Variants in SEPTIN4 observed in about 807,000 individuals in gnomAD.
SEPTIN4 encodes the protein septin-4.
SEPTIN4 carries 52 observed loss-of-function variants against 107.1 expected under a neutral mutation model. The observed-to-expected ratio is 0.49, with a 90% confidence interval of 0.39 to 0.61. The LOEUF (loss-of-function observed/expected upper bound fraction) is 0.61, where lower values mean the gene tolerates loss of function less well. Ranked by LOEUF, SEPTIN4 falls within the 20% of genes least tolerant of loss-of-function variation. SEPTIN4 has a pLI of 0.00. For missense variants in SEPTIN4, 1,048 were observed against 1,243.5 expected, an observed-to-expected ratio of 0.84 and a Z score of 2.36; for synonymous variants, 417 against 467.0, an observed-to-expected ratio of 0.89 and a Z score of 1.38.
At chr17:58,539,273 GACTTCCTAAACTAA>G in intron 3 of SEPTIN4, 2 of 1,088,406 alleles carry the variant, frequency 1.8e-6, no homozygotes, top group South Asian at 3.1e-5. Flanking sequence ...CAAGGCTTTT[GACTTCCTAAACTAA>G]AACAAGATGC....
Position 58,525,075 on chromosome 17 carries a change from T to C in SEPTIN4, c.2216+3A>G. ...AGCTGGGATTGTGCTTACTCAGACATACCACTCTGTGTTGTTGACTGCATC... is the reference window on the plus strand; with the variant it reads ...AGCTGGGATTGTGCTTACTCAGACACACCACTCTGTGTTGTTGACTGCATC... On this transcript the variant is annotated splice_donor_region_variant and intron_variant, in intron 7 of 13. Transcript: ENST00000672673. The C allele has an allele frequency of 6.2e-7, 1 of 1,614,170 alleles. No individual in the cohort carries two copies. Among genetic ancestry groups the C allele is most frequent in the Non-Finnish European group, 8.5e-7 (1 of 1,179,998 alleles).
intron 12 of SEPTIN4, 59 bp from the exon 13 acceptor site, chr17:58,520,901 C>T: frequency 2.5e-6 from 4 of 1,613,060 alleles, no homozygotes; most frequent in Non-Finnish European, 1.7e-6. Flanking sequence ...TTAGATTGAG[C>T]CCAGGGCCTA....
At chr17:58,533,840 A>G (rs1299074461) in intron 3 of SEPTIN4, among the ~76,000 whole-genome samples, 1 of 152,254 alleles carries the variant, frequency 6.6e-6, no homozygotes, top group Non-Finnish European at 1.5e-5. Flanking sequence ...ATGCACTCTA[A>G]GAATACCTCT....
chr17:58,539,685 A>G (rs1252102312), intron 3 of SEPTIN4, among the ~76,000 whole-genome samples: 2 of 152,130 alleles, frequency 1.3e-5, no homozygotes, highest in Non-Finnish European at 2.9e-5. Flanking sequence ...TTCTTCCCCT[A>G]AAAGTGCCTA....
At chr17:58,527,277 CCTT>C (rs1245286324) in intron 3 of SEPTIN4, 1 of 573,656 alleles carries the variant, frequency 1.7e-6, no homozygotes, top group Non-Finnish European at 3.2e-6. Context: ...GTTCTGGTCT[CCTT>C]CTCAGCAGCA....
intron 7 of SEPTIN4, among the ~76,000 whole-genome samples, chr17:58,523,210 A>G (rs1396443973): frequency 1.3e-5 from 2 of 152,032 alleles, no homozygotes; most frequent in African/African-American, 4.8e-5. Flanking sequence ...CCATCTCTAC[A>G]AAAAATACAA....
chr17:58,523,369 C>CAA (rs375194184), intron 7 of SEPTIN4, among the ~76,000 whole-genome samples: 13,159 of 95,242 alleles, frequency 0.14, 730 homozygotes, highest in Middle Eastern at 0.32. Flanking sequence ...GAACCAGTCT[C>CAA]AAAAAAAAAA....
intron 3 of SEPTIN4, among the ~76,000 whole-genome samples, chr17:58,539,442 C>A (rs2043819009): frequency 6.6e-6 from 1 of 152,130 alleles, no homozygotes; most frequent in South Asian, 2.1e-4. Context: ...GCTAAGACAC[C>A]ACCATCCCCT....
chr17:58,520,656 G>A, intron 13 of SEPTIN4, 87 bp downstream of exon 13: 2 of 1,571,174 alleles, frequency 1.3e-6, no homozygotes, highest in Non-Finnish European at 1.7e-6. Flanking sequence ...ATGCACCAGA[G>A]CCAGGGATCT....
intron 3 of SEPTIN4, 69 bp downstream of exon 3, chr17:58,540,597 C>G: frequency 8.0e-7 from 1 of 1,243,296 alleles, no homozygotes; most frequent in Non-Finnish European, 1.0e-6. Context: ...CATTACAGGA[C>G]AGGAGATGGA....
At chr17:58,527,064 G>A in intron 3 of SEPTIN4, 86 bp from the exon 4 acceptor site, 1 of 1,600,316 alleles carries the variant, frequency 6.2e-7, no homozygotes, top group Non-Finnish European at 8.5e-7. Flanking sequence ...CAGAAGACAG[G>A]AGAAGGCAAG....
rs534769013 is a variant in SEPTIN4 at position 58,540,179 on chromosome 17, G to A, written c.1614+487C>T. The stretch of plus-strand genomic sequence containing the variant: ...CGAAATCAGGACACTGCCAAATCAG[G>A]ACACGGGACTGCTGACAGCAGAGTC... On this transcript the variant is annotated intron_variant, in intron 3 of 13. Coordinates refer to ENST00000672673, the MANE Select transcript of SEPTIN4 (RefSeq NM_001368771.2). Among the ~76,000 whole-genome samples, 3 of 152,292 alleles carry A rather than the reference G, an allele frequency of 2.0e-5. No individual in the cohort carries two copies. In the South Asian group the frequency reaches 6.2e-4, roughly 32 times the overall value.
Position 58,520,839 on chromosome 17 carries a change from T to G in SEPTIN4, c.2835A>C (p.Lys945Asn), listed in dbSNP as rs199994022. 27 of 1,596,312 alleles carry G rather than the reference T, an allele frequency of 1.7e-5. No homozygotes were observed. Among genetic ancestry groups the G allele is most frequent in the Middle Eastern group, 1.7e-4 (1 of 6,050 alleles). ...RLVVKERNRN[K>N]LTRESGTDFP... ...AGTCGGTACCACTTTCCCGAGTCAGTTTGCTAAAGGGAGAAAAGGGTTGAT... is the reference window on the plus strand; with the variant it reads ...AGTCGGTACCACTTTCCCGAGTCAGGTTGCTAAAGGGAGAAAAGGGTTGAT... Residue 945 changes from lysine (K) to asparagine (N), a missense_variant, in exon 13 of 14, where the codon AAA (lysine) becomes AAC (asparagine). Physicochemically the swap from Lys to Asn is moderately conservative, Grantham distance 94. Transcript: ENST00000672673.
chr17:58,533,168 G>A (rs2043583144), intron 3 of SEPTIN4, among the ~76,000 whole-genome samples: 1 of 152,222 alleles, frequency 6.6e-6, no homozygotes, highest in South Asian at 2.1e-4. Flanking sequence ...CCAGGGGAGG[G>A]AAGAGGGCCT....
At chr17:58,536,164 T>A (rs1332707217) in intron 3 of SEPTIN4, among the ~76,000 whole-genome samples, 1 of 152,246 alleles carries the variant, frequency 6.6e-6, no homozygotes, top group Non-Finnish European at 1.5e-5. Flanking sequence ...CTCCTTAAAA[T>A]GCTTCCAGCT....
At chr17:58,520,597 G>A (rs1389667624) in intron 13 of SEPTIN4, 112 bp from the exon 14 acceptor site, 3 of 1,511,428 alleles carry the variant, frequency 2.0e-6, no homozygotes, top group African/African-American at 1.4e-5. Flanking sequence ...CGTGAGGTGT[G>A]ATGGAGACTC....
At position 58,541,929 on chromosome 17, in the gene SEPTIN4, C is replaced by T. The variant is rs2043888123; in HGVS notation, c.1599G>A (p.Trp533Ter). The part of the protein sequence containing the change: ...SEEMYNRVIW[W>*]LKDEEIKRFL... ...GGAGGGAAAAGCACAGACCTTTTAG[C>T]CACCAGATGACACGATTGTACATTT... Residue 533 changes from tryptophan to a stop codon, truncating the protein, a stop_gained, in exon 2 of 14, where the codon TGG becomes TGA. Coordinates refer to ENST00000672673, the MANE Select transcript of SEPTIN4 (RefSeq NM_001368771.2). LOFTEE classifies it high-confidence loss of function. 1 of 1,613,948 alleles carries T rather than the reference C, an allele frequency of 6.2e-7. No individual in the cohort carries two copies. Among genetic ancestry groups the T allele is most frequent in the African/African-American group, 1.3e-5 (1 of 74,922 alleles).
rs775073902 is a variant in SEPTIN4, at chr17:58,521,143, A to G, written c.2686T>C (p.Cys896Arg). 1 of 1,614,056 alleles carries G rather than the reference A, an allele frequency of 6.2e-7. No individual in the cohort carries two copies. The highest frequency in any genetic ancestry group is 8.5e-7 in the Non-Finnish European group (1 of 1,180,026). Residue 896 changes from cysteine (C) to arginine (R), a missense_variant, in exon 12 of 14, where the codon TGC becomes CGC. Coordinates refer to ENST00000672673, the MANE Select transcript of SEPTIN4 (RefSeq NM_001368771.2). This position sits in a 1 kb window ranked among gnomAD's most constrained non-coding sequence, Gnocchi z 6.4. ...ATTGTCCTCAGCTTCACAAAGTCGC[A>G]GTGCCCTGGGTTTTCCACTGCATAG... ...GIVEVENPGH[C>R]DFVKLRTMLV...
At position 58,544,220 on chromosome 17, in the gene SEPTIN4, A is replaced by G. The variant is rs1468769069; in HGVS notation, c.-34T>C. On this transcript the variant is annotated 5_prime_UTR_variant, in exon 1 of 14. Transcript: ENST00000672673. ...TTGTGCCCTTCTGAGTAGATCCCGTATTTTACTGGCTGGCTTGTATTCAGG... is the reference window on the plus strand; with the variant it reads ...TTGTGCCCTTCTGAGTAGATCCCGTGTTTTACTGGCTGGCTTGTATTCAGG... 1 of 1,563,828 alleles carries G rather than the reference A, an allele frequency of 6.4e-7. No homozygotes were observed. Among genetic ancestry groups the G allele is most frequent in the South Asian group, 1.2e-5 (1 of 84,142 alleles).
Sources: allele counts gnomAD v4.1 joint callset (sites outside exome capture counted in the v4.1 genomes callset), GRCh38; gene constraint gnomAD v4.1.1; non-coding constraint Gnocchi (gnomAD v3.1); transcripts MANE v1.5; gene names NCBI Gene and HGNC (gene_info 2026-07-23, HGNC 2026-07-21).